Variants in ZNF208 observed in about 807,000 individuals in gnomAD.
The protein encoded by ZNF208 is zinc finger protein 95.
A neutral mutation model predicts 12.1 loss-of-function variants in ZNF208; 10 were observed. That is an observed-to-expected ratio of 0.83 (90% CI 0.51 to 1.40). ZNF208 has a LOEUF of 1.40. Among genes scored for constraint, ZNF208 ranks in the 40% most tolerant of loss-of-function variants. ZNF208 has a pLI of 0.00. For missense variants in ZNF208, 1,652 were observed against 1,485.0 expected, an observed-to-expected ratio of 1.11 and a Z score of -1.85; for synonymous variants, 497 against 488.4, an observed-to-expected ratio of 1.02 and a Z score of -0.23.
intron 1 of ZNF208, among the ~76,000 whole-genome samples, chr19:21,992,764 T>G (rs1988501): frequency 0.58 from 88,821 of 152,046 alleles, 26,208 homozygotes; most frequent in East Asian, 0.69. Context: ...AGAAAAAATA[T>G]ATATTTTTCA....
intron 3 of ZNF208, among the ~76,000 whole-genome samples, chr19:21,985,669 G>A (rs1970619314): frequency 6.6e-6 from 1 of 152,174 alleles, no homozygotes; most frequent in Admixed American, 6.5e-5. Context: ...CCAGAAGCCT[G>A]GAGAGAGATA....
chr19:21,990,716 T>C (rs1970718192), intron 1 of ZNF208, among the ~76,000 whole-genome samples: 1 of 152,218 alleles, frequency 6.6e-6, no homozygotes, highest in South Asian at 2.1e-4. Context: ...ATTTTCACGA[T>C]ATTGATTCTT....
rs376009484 is a variant in ZNF208 at position 21,972,321 on chromosome 19, T to A, written c.2713A>T (p.Thr905Ser). 132 of 1,613,570 alleles carry A rather than the reference T, an allele frequency of 8.2e-5. No individual in the cohort carries two copies. Among genetic ancestry groups the A allele is most frequent in the South Asian group, 1.3e-4 (12 of 91,018 alleles). Residue 905 changes from threonine (T) to serine (S), a missense_variant, in exon 4 of 4, where the codon ACT becomes TCT. Thr to Ser is a moderately conservative substitution (Grantham distance 58). This residue lies in a region of ZNF208 where 1,239 missense variants were observed against 1,086.2 expected (regional missense o/e 1.14). Coordinates refer to ENST00000397126, the MANE Select transcript of ZNF208 (RefSeq NM_007153.3). Reference sequence around the variant, plus strand: ...CCAGTATGAATTACCTCATGTTTAGTAAGGATGGAGAACATACTAAAACCT... The same window carrying A: ...CCAGTATGAATTACCTCATGTTTAGAAAGGATGGAGAACATACTAAAACCT... ...GKGFSMFSIL[T>S]KHEVIHTGEK... is the part of the protein sequence containing the mutation.
At chr19:21,950,122 T>C (rs1969867900) in intron 4 of ZNF208, among the ~76,000 whole-genome samples, 2 of 152,070 alleles carry the variant, frequency 1.3e-5, no homozygotes, top group South Asian at 4.1e-4. Context: ...TAAATAAACA[T>C]TTTTAAAGTG....
intron 3 of ZNF208, among the ~76,000 whole-genome samples, chr19:21,979,808 C>T (rs1339187325): frequency 6.6e-6 from 1 of 152,164 alleles, no homozygotes; most frequent in East Asian, 1.9e-4. Flanking sequence ...CAAGATCCAT[C>T]AAAGTGCTGT....
rs199604278 is a variant in ZNF208 at position 21,951,821 on chromosome 19, G to A, written c.306-18584C>T. Among the ~76,000 whole-genome samples the A allele has an allele frequency of 4.6e-5, 7 of 152,214 alleles. No individual in the cohort carries two copies. The East Asian group carries it at 9.6e-4, about 21-fold the overall frequency. On this transcript the variant is annotated intron_variant, in intron 4 of 4. Transcript: ENST00000599916. The stretch of plus-strand genomic sequence containing the variant: ...ATGGACAGTGGGTTCAGCCCATGGA[G>A]GGTGAGCCAAAGCAGGACAGGGTGT...
At chr19:21,958,333 C>CA (rs1280411748) in intron 4 of ZNF208, among the ~76,000 whole-genome samples, 1 of 151,932 alleles carries the variant, frequency 6.6e-6, no homozygotes, top group Non-Finnish European at 1.5e-5. Flanking sequence ...TGCAGCTCAT[C>CA]AAAAAAAGAT....
At chr19:21,981,910 CAAT>C (rs892116871) in intron 3 of ZNF208, among the ~76,000 whole-genome samples, 32 of 151,772 alleles carry the variant, frequency 2.1e-4, no homozygotes, top group Admixed American at 1.8e-3. Context: ...TCCTAAACAC[CAAT>C]AATAGCCAAA....
chr19:22,010,260 C>G (rs1190055038), intron 1 of ZNF208, among the ~76,000 whole-genome samples: 2 of 152,150 alleles, frequency 1.3e-5, no homozygotes, highest in African/African-American at 4.8e-5. Flanking sequence ...TGTGGTTTTC[C>G]TCGTTATGCA....
At chr19:21,950,392 C>A (rs940627958) in intron 4 of ZNF208, among the ~76,000 whole-genome samples, 4 of 151,962 alleles carry the variant, frequency 2.6e-5, no homozygotes, top group Non-Finnish European at 5.9e-5. Flanking sequence ...TTTCATGAAA[C>A]CCCTAGAATT....
At chr19:21,957,380 G>A (rs1599604718) in intron 4 of ZNF208, among the ~76,000 whole-genome samples, 1 of 152,218 alleles carries the variant, frequency 6.6e-6, no homozygotes, top group Middle Eastern at 3.4e-3. Flanking sequence ...ACAGAAAAAC[G>A]CTAGTTCTTT....
rs532995268 is a variant in ZNF208, at chr19:21,975,823, CAAAAAAAAAAAAAA to C, written c.227-1030_227-1017del. Among the ~76,000 whole-genome samples, 93 of 26,436 alleles carry C rather than the reference CAAAAAAAAAAAAAA, an allele frequency of 3.5e-3. 1 individual carries two copies. The highest frequency in any genetic ancestry group is 9.8e-3 in the African/African-American group (77 of 7,846). The allele number at this position is 26,436 out of a possible 152,430, so 17.3% of individuals were successfully genotyped here. A position where few individuals can be genotyped will look rare whatever the true frequency, so the allele number is the denominator to read the frequency against. ...AAAACTGTGTGATATAGTCAAAGTC[CAAAAAAAAAAAAAA>C]AAAAAAAAAAAAAAGCTATCAAGTG... On this transcript the variant is annotated intron_variant, in intron 3 of 3. Transcript: ENST00000397126.
chr19:21,954,213 T>A (rs1969935219), intron 4 of ZNF208, among the ~76,000 whole-genome samples: 1 of 152,234 alleles, frequency 6.6e-6, no homozygotes, highest in Non-Finnish European at 1.5e-5. Flanking sequence ...TTGTTGTGAT[T>A]TCTGTTCTTT....
intron 1 of ZNF208, among the ~76,000 whole-genome samples, chr19:21,999,617 T>C (rs1970905438): frequency 6.6e-6 from 1 of 152,114 alleles, no homozygotes; most frequent in African/African-American, 2.4e-5. Context: ...TTTATGCTCT[T>C]GAAATGAACT....
At chr19:21,965,422 T>TGG (rs780439152), downstream of ZNF208, among the ~76,000 whole-genome samples, 165 of 152,194 alleles carry the variant, frequency 1.1e-3, 1 homozygote, top group Admixed American at 1.9e-3. Flanking sequence ...TGCCACACCT[T>TGG]GATTGAAAAC....
rs1262885608 is a variant in ZNF208, at chr19:21,971,210, T to C, written c.3824A>G (p.His1275Arg). 6.2e-7 allele frequency: 1 copy of C among 1,612,154 alleles called. No individual in the cohort carries two copies. Among genetic ancestry groups the C allele is most frequent in the Non-Finnish European group, 8.5e-7 (1 of 1,179,654 alleles). ...ACATTTCTAGAGTTTCTCTCCAGTA[T>C]GAATTTTCTTATGTTTACTGAAGAC... ...LSVFSKHKKI[H>R]TGEKL is the part of the protein sequence containing the mutation. Residue 1275 changes from histidine (H) to arginine (R), a missense_variant, in exon 4 of 4, where the codon CAT (histidine) becomes CGT (arginine). By Grantham distance (29) the His-to-Arg change is conservative (BLOSUM62 0). Coordinates refer to ENST00000397126, the MANE Select transcript of ZNF208 (RefSeq NM_007153.3).
At chr19:22,003,616 CACA>C (rs889314341) in intron 1 of ZNF208, among the ~76,000 whole-genome samples, 18 of 151,798 alleles carry the variant, frequency 1.2e-4, no homozygotes, top group African/African-American at 3.9e-4. Context: ...AAAAGAAAAC[CACA>C]ACAAGAAATC....
chr19:21,996,143 C>CACA (rs1228366229), intron 1 of ZNF208, among the ~76,000 whole-genome samples: 3 of 152,122 alleles, frequency 2.0e-5, no homozygotes, highest in African/African-American at 7.2e-5. Flanking sequence ...AAAAAGCTGA[C>CACA]ACAACATGAA....
chr19:21,976,068 GCA>G (rs1469945326), intron 3 of ZNF208, among the ~76,000 whole-genome samples: 1 of 151,994 alleles, frequency 6.6e-6, no homozygotes, highest in Admixed American at 6.6e-5. Context: ...GGAAAGACAT[GCA>G]CAGACAAAAA....
Sources: allele counts gnomAD v4.1 joint callset (sites outside exome capture counted in the v4.1 genomes callset), GRCh38; gene constraint gnomAD v4.1.1; regional missense constraint gnomAD v4.1.1; transcripts MANE v1.5; gene names NCBI Gene and HGNC (gene_info 2026-07-23, HGNC 2026-07-21).